MAGI1: variants seen among roughly 807,000 people sequenced by gnomAD.
The protein encoded by MAGI1 is membrane associated guanylate kinase, WW and PDZ domain containing 1, also known as membrane-associated guanylate kinase, WW and PDZ domain-containing protein 1.
Under a neutral mutation model 139.9 loss-of-function variants are expected in MAGI1, and 58 were observed. That is an observed-to-expected ratio of 0.41 (90% CI 0.34 to 0.52). The LOEUF (loss-of-function observed/expected upper bound fraction) is 0.52. Among genes scored for constraint, MAGI1 ranks in the 20% least tolerant of loss-of-function variants. The pLI, the probability that MAGI1 is intolerant of heterozygous loss-of-function variation, is 0.12. For missense variants in MAGI1, 1,874 were observed against 1,901.6 expected, an observed-to-expected ratio of 0.99 and a Z score of 0.27; for synonymous variants, 812 against 737.9, an observed-to-expected ratio of 1.10 and a Z score of -1.63.
At chr3:65,504,676 T>A (rs932130635) in intron 2 of MAGI1, among the ~76,000 whole-genome samples, 1 of 151,972 alleles carries the variant, frequency 6.6e-6, no homozygotes, top group Non-Finnish European at 1.5e-5. Context: ...GCTGATGGAG[T>A]TGACGGTCTG....
intron 1 of MAGI1, among the ~76,000 whole-genome samples, chr3:65,622,328 G>A (rs1000778292): frequency 6.6e-6 from 1 of 152,090 alleles, no homozygotes; most frequent in Non-Finnish European, 1.5e-5. Context: ...AATACTAGAA[G>A]GCCAAAATAT....
chr3:65,620,085 T>C, intron 2 of MAGI1: 1 of 646,542 alleles, frequency 1.5e-6, no homozygotes, highest in Non-Finnish European at 1.9e-6. Context: ...AAAAAATAAA[T>C]GGGAGAGCAT....
At chr3:66,036,724 T>G (rs968229626) in intron 1 of MAGI1, among the ~76,000 whole-genome samples, 1 of 152,186 alleles carries the variant, frequency 6.6e-6, no homozygotes, top group Non-Finnish European at 1.5e-5. Context: ...TTTGACACAT[T>G]CCTCCAGCTG....
chr3:65,793,954 T>C (rs139581306), intron 1 of MAGI1, among the ~76,000 whole-genome samples: 232 of 152,346 alleles, frequency 1.5e-3, no homozygotes, highest in African/African-American at 5.2e-3. Context: ...TCTCAATTGA[T>C]GACTAACCAC....
At chr3:65,388,958 C>T (rs1019957112) in intron 14 of MAGI1, among the ~76,000 whole-genome samples, 1 of 150,998 alleles carries the variant, frequency 6.6e-6, no homozygotes. Flanking sequence ...TGCCTCCTGC[C>T]TCAGCCTCCC....
At chr3:65,913,691 A>C (rs1226380560) in intron 1 of MAGI1, among the ~76,000 whole-genome samples, 2 of 152,256 alleles carry the variant, frequency 1.3e-5, no homozygotes, top group Non-Finnish European at 2.9e-5. Context: ...AGCATTTTGC[A>C]AACTTATTTG....
intron 6 of MAGI1, chr3:65,448,375 T>C (rs1185223749): frequency 4.2e-6 from 2 of 477,606 alleles, no homozygotes; most frequent in East Asian, 3.9e-5. Flanking sequence ...AAGTCACTTA[T>C]TACAGACCTT....
At chr3:66,003,998 C>T (rs2066886484) in intron 1 of MAGI1, 1 of 152,154 alleles carries the variant, frequency 6.6e-6, no homozygotes, top group African/African-American at 2.4e-5. Flanking sequence ...CAATAATCTA[C>T]TCCCACCCCC....
intron 1 of MAGI1, among the ~76,000 whole-genome samples, chr3:65,638,776 T>C (rs1416939801): frequency 6.6e-6 from 1 of 151,090 alleles, no homozygotes; most frequent in Non-Finnish European, 1.5e-5. Context: ...CCAGCTAACT[T>C]TTATATTTTT....
intron 2 of MAGI1, among the ~76,000 whole-genome samples, chr3:65,546,977 G>C (rs2079535382): frequency 6.6e-6 from 1 of 152,172 alleles, no homozygotes. Context: ...ATACATGTGA[G>C]GATGCATGTA....
intron 1 of MAGI1, among the ~76,000 whole-genome samples, chr3:65,782,887 G>A (rs1000550237): frequency 2.7e-5 from 4 of 148,608 alleles, no homozygotes; most frequent in Non-Finnish European, 5.9e-5. Context: ...CTAAATGTAA[G>A]AGCTAAATTA....
chr3:65,440,226 T>C (rs1056294508), intron 8 of MAGI1, among the ~76,000 whole-genome samples: 1 of 152,210 alleles, frequency 6.6e-6, no homozygotes, highest in African/African-American at 2.4e-5. Context: ...ACCAGTTTTA[T>C]ATGCATTTTA....
chr3:66,017,074 C>A (rs145316310), intron 1 of MAGI1, among the ~76,000 whole-genome samples: 79 of 152,262 alleles, frequency 5.2e-4, no homozygotes, highest in African/African-American at 1.6e-3. Flanking sequence ...TGCATAATAA[C>A]CTGAATATAC....
chr3:65,906,424 G>A (rs1163128407), intron 1 of MAGI1, among the ~76,000 whole-genome samples: 1 of 152,144 alleles, frequency 6.6e-6, no homozygotes, highest in Non-Finnish European at 1.5e-5. Flanking sequence ...CCACAGCAAG[G>A]GGAAGATGCA....
chr3:65,824,561 T>C (rs2108267835), intron 1 of MAGI1, among the ~76,000 whole-genome samples: 1 of 152,352 alleles, frequency 6.6e-6, no homozygotes, highest in South Asian at 2.1e-4. Context: ...AAAGAATTTG[T>C]GTGTCTTTAT....
At chr3:66,005,323 G>A (rs2066956366) in intron 1 of MAGI1, among the ~76,000 whole-genome samples, 1 of 152,136 alleles carries the variant, frequency 6.6e-6, no homozygotes, top group South Asian at 2.1e-4. Context: ...TCTGCAATGA[G>A]TGGCCCATAT....
At chr3:65,415,530 G>A (rs1946147898) in intron 12 of MAGI1, among the ~76,000 whole-genome samples, 2 of 152,178 alleles carry the variant, frequency 1.3e-5, no homozygotes, top group Non-Finnish European at 1.5e-5. Flanking sequence ...CAGAGATCAC[G>A]CTGGAGACCC....
At position 65,758,670 on chromosome 3, in the gene MAGI1, C is replaced by A. The variant is rs984441909; in HGVS notation, c.314-136582G>T. On this transcript the variant is annotated intron_variant, in intron 1 of 22. Transcript: ENST00000402939. ...GCTACTGGCATCTAGTGGGTAGAGACCAGGGATACTGCTAAATACCCTACA... is the reference window on the plus strand; with the variant it reads ...GCTACTGGCATCTAGTGGGTAGAGAACAGGGATACTGCTAAATACCCTACA... Among the ~76,000 whole-genome samples, 6 of 152,050 alleles carry A rather than the reference C, an allele frequency of 3.9e-5. No individual in the cohort carries two copies. The East Asian group carries it at 1.2e-3, about 29-fold the overall frequency.
At chr3:65,668,174 G>A (rs1228965385) in intron 1 of MAGI1, among the ~76,000 whole-genome samples, 1 of 152,186 alleles carries the variant, frequency 6.6e-6, no homozygotes, top group African/African-American at 2.4e-5. Flanking sequence ...CCATCTGCAA[G>A]ATGGGGATGA....
Sources: allele counts gnomAD v4.1 joint callset (sites outside exome capture counted in the v4.1 genomes callset), GRCh38; gene constraint gnomAD v4.1.1; transcripts MANE v1.5; gene names NCBI Gene and HGNC (gene_info 2026-07-23, HGNC 2026-07-21).